The following PDE11A variants were observed in gnomAD, a reference collection of about 807,000 sequenced individuals.
PDE11A encodes phosphodiesterase 11A.
In PDE11A, 100 loss-of-function variants were observed where a neutral mutation model predicts 100.5. The observed-to-expected ratio is 1.00, with a 90% CI of 0.85 to 1.18. PDE11A has a LOEUF of 1.18. Ranked by LOEUF, PDE11A falls within the 50% of genes most tolerant of loss-of-function variation. The pLI is 0.00. For missense variants in PDE11A, 1,141 were observed against 1,152.6 expected (o/e 0.99, Z 0.15); for synonymous variants, 381 against 420.8 (o/e 0.91, Z 1.16).
chr2:178,059,988 T>C (rs1027783299), intron 1 of PDE11A, among the ~76,000 whole-genome samples: 1 of 152,220 alleles, frequency 6.6e-6, no homozygotes, highest in Non-Finnish European at 1.5e-5. Context: ...TTCTAGAGTC[T>C]AGAAAGACAT....
intron 2 of PDE11A, among the ~76,000 whole-genome samples, chr2:178,078,463 A>G (rs903103512): frequency 2.4e-5 from 1 of 42,394 alleles, no homozygotes; most frequent in Non-Finnish European, 7.3e-5. Context: ...CTGAGCCAGA[A>G]GCCCACCTAT....
chr2:177,798,459 AATG>A (rs1480839646), intron 9 of PDE11A, among the ~76,000 whole-genome samples: 4 of 152,208 alleles, frequency 2.6e-5, no homozygotes, highest in African/African-American at 9.6e-5. Flanking sequence ...TCGTAACATT[AATG>A]ATTATTTATC....
At chr2:177,972,981 G>A (rs1354916290) in intron 2 of PDE11A, among the ~76,000 whole-genome samples, 1 of 152,190 alleles carries the variant, frequency 6.6e-6, no homozygotes, top group Non-Finnish European at 1.5e-5. Context: ...AGTGGATAAG[G>A]CAGTTTGGGA....
chr2:177,959,458 G>A (rs1367943063), intron 2 of PDE11A, among the ~76,000 whole-genome samples: 3 of 152,132 alleles, frequency 2.0e-5, no homozygotes, highest in Non-Finnish European at 4.4e-5. Flanking sequence ...GAGCACTAGT[G>A]GAATCAGGAG....
intron 1 of PDE11A, among the ~76,000 whole-genome samples, chr2:178,024,268 C>T (rs573650013): frequency 7.2e-5 from 11 of 152,094 alleles, no homozygotes; most frequent in Admixed American, 1.3e-4. Flanking sequence ...AAAAATTAGC[C>T]GGGCATAGTG....
rs1559117243 is a variant in PDE11A at position 177,631,530 on chromosome 2, TATATATATATATATATACAC to T, written c.2647-1988_2647-1969del. Among the ~76,000 whole-genome samples the T allele has an allele frequency of 5.8e-3, 114 of 19,500 alleles. 19 individuals are homozygous for T. Among genetic ancestry groups the T allele is most frequent in the South Asian group, 0.054 (15 of 276 alleles). 12.8% of individuals were successfully genotyped at this position (19,500 alleles called of 152,430 possible). On this transcript the variant is annotated intron_variant, in intron 19 of 19. Transcript: ENST00000286063. The stretch of plus-strand genomic sequence containing the variant: ...AAAAAAAAATATATATATATATATA[TATATATATATATATATACAC>T]ATGTATATATATATATATACATGTA...
At chr2:177,966,257 C>A (rs1196700889) in intron 2 of PDE11A, among the ~76,000 whole-genome samples, 2 of 152,068 alleles carry the variant, frequency 1.3e-5, no homozygotes, top group East Asian at 3.9e-4. Context: ...AGCTTTGGGG[C>A]ACAGAGTATG....
intron 9 of PDE11A, among the ~76,000 whole-genome samples, chr2:177,770,512 C>A (rs775056950): frequency 2.6e-5 from 4 of 152,178 alleles, no homozygotes; most frequent in Admixed American, 6.5e-5. Flanking sequence ...CGGCCTTGGT[C>A]AATGAATTAT....
chr2:177,733,814 G>A (rs114278859), intron 10 of PDE11A, among the ~76,000 whole-genome samples: 1,609 of 152,316 alleles, frequency 0.011, 34 homozygotes, highest in African/African-American at 0.036. Flanking sequence ...CTGTTTTAGT[G>A]TTATGCTTTG....
chr2:177,896,786 C>T (rs1332068798), intron 4 of PDE11A, among the ~76,000 whole-genome samples: 1 of 152,134 alleles, frequency 6.6e-6, no homozygotes, highest in East Asian at 1.9e-4. Flanking sequence ...GCAAATGTTT[C>T]ACAACGTTTC....
At chr2:178,018,351 A>G in intron 1 of PDE11A, 1 of 75,532 alleles carries the variant, frequency 1.3e-5, no homozygotes. Flanking sequence ...CATCACGGAA[A>G]GCTGCCAAGG....
intron 5 of PDE11A, among the ~76,000 whole-genome samples, chr2:177,863,999 T>C (rs747836815): frequency 1.3e-5 from 2 of 152,076 alleles, no homozygotes; most frequent in Non-Finnish European, 2.9e-5. Context: ...TACATATATA[T>C]AATGGAATGT....
intron 2 of PDE11A, among the ~76,000 whole-genome samples, chr2:177,964,273 C>A (rs1356823290): frequency 6.6e-6 from 1 of 152,020 alleles, no homozygotes; most frequent in Non-Finnish European, 1.5e-5. Flanking sequence ...TTCTATCCAC[C>A]AATCCCTCAA....
chr2:177,791,027 C>A (rs1419305466), intron 9 of PDE11A, among the ~76,000 whole-genome samples: 2 of 152,084 alleles, frequency 1.3e-5, no homozygotes, highest in Non-Finnish European at 2.9e-5. Flanking sequence ...CCCAGCCATC[C>A]CATTACTGGG....
chr2:177,667,448 A>C (rs1317945), intron 18 of PDE11A, among the ~76,000 whole-genome samples: 1 of 152,072 alleles, frequency 6.6e-6, no homozygotes, highest in African/African-American at 2.4e-5. Flanking sequence ...TAGGGAGCCA[A>C]CTTCATTCTT....
intron 5 of PDE11A, among the ~76,000 whole-genome samples, chr2:177,847,247 C>A (rs962602012): frequency 6.6e-6 from 1 of 152,114 alleles, no homozygotes; most frequent in South Asian, 2.1e-4. Context: ...CATTCTAGAA[C>A]CTATTTCTAG....
chr2:177,833,058 CTCT>C (rs1406009563), intron 6 of PDE11A, among the ~76,000 whole-genome samples: 2 of 152,148 alleles, frequency 1.3e-5, no homozygotes, highest in Non-Finnish European at 1.5e-5. Flanking sequence ...TTGCCACAGT[CTCT>C]TCTTCTGCCT....
chr2:177,779,575 C>T (rs6751656), intron 9 of PDE11A, among the ~76,000 whole-genome samples: 49,590 of 152,016 alleles, frequency 0.33, 8,411 homozygotes, highest in East Asian at 0.37. Flanking sequence ...AGTGTATATT[C>T]CATCTCAGGA....
At chr2:177,869,649 C>T (rs533705261) in intron 5 of PDE11A, among the ~76,000 whole-genome samples, 2 of 152,240 alleles carry the variant, frequency 1.3e-5, no homozygotes, top group South Asian at 4.2e-4. Context: ...ATCTCTTTGG[C>T]TTGTAATGTA....
Sources: allele counts gnomAD v4.1 joint callset (sites outside exome capture counted in the v4.1 genomes callset), GRCh38; gene constraint gnomAD v4.1.1; transcripts MANE v1.5; gene names NCBI Gene and HGNC (gene_info 2026-07-23, HGNC 2026-07-21).